The following IL1R1 variants were observed in gnomAD, a reference collection of about 807,000 sequenced individuals.
IL1R1 encodes interleukin-1 receptor type 1.
In IL1R1, 22 loss-of-function variants were observed where a neutral mutation model predicts 50.2. The observed-to-expected ratio is 0.44, with a 90% confidence interval of 0.31 to 0.63. The LOEUF (loss-of-function observed/expected upper bound fraction) is 0.63, where lower values mean the gene tolerates loss of function less well. Ranked by LOEUF, IL1R1 falls within the 20% of genes least tolerant of loss-of-function variation. The pLI is 0.07. For missense variants in IL1R1, 509 were observed against 676.2 expected (o/e 0.75, Z 2.74); for synonymous variants, 251 against 236.7 (o/e 1.06, Z -0.55).
intron 1 of IL1R1, among the ~76,000 whole-genome samples, chr2:102,124,986 C>T (rs953676076): frequency 1.3e-5 from 2 of 152,154 alleles, no homozygotes; most frequent in African/African-American, 4.8e-5. Flanking sequence ...GGAACCACCG[C>T]CATAATCCAA....
intron 10 of IL1R1, 29 bp from the exon 11 acceptor site, chr2:102,175,449 G>T (rs200463460): frequency 4.4e-6 from 7 of 1,586,716 alleles, no homozygotes; most frequent in South Asian, 2.2e-5. Flanking sequence ...TTGCCTTGTG[G>T]TTCTAAATAC....
At chr2:102,167,541 G>A (rs900847787) in intron 6 of IL1R1, among the ~76,000 whole-genome samples, 5 of 149,878 alleles carry the variant, frequency 3.3e-5, no homozygotes, top group African/African-American at 9.8e-5. Flanking sequence ...TCTGCCTCCC[G>A]GGTTCATGCC....
intron 9 of IL1R1, among the ~76,000 whole-genome samples, chr2:102,174,380 T>C (rs1685933566): frequency 6.6e-6 from 1 of 152,200 alleles, no homozygotes; most frequent in Non-Finnish European, 1.5e-5. Context: ...AGGTAGAAAC[T>C]TCATAGAATG....
chr2:102,121,285 C>T (rs561910682), intron 1 of IL1R1, among the ~76,000 whole-genome samples: 1 of 152,288 alleles, frequency 6.6e-6, no homozygotes, highest in African/African-American at 2.4e-5. Flanking sequence ...ATCTTCTGTT[C>T]CTCTGGTTTC....
At chr2:102,100,747 TC>T (rs1680105973), upstream of IL1R1, among the ~76,000 whole-genome samples, 2 of 152,134 alleles carry the variant, frequency 1.3e-5, no homozygotes, top group Middle Eastern at 3.2e-3. Context: ...GCTTGCAAAA[TC>T]CCTTAAACTC....
At chr2:102,138,439 A>C (rs950802814), upstream of IL1R1, among the ~76,000 whole-genome samples, 5 of 152,206 alleles carry the variant, frequency 3.3e-5, no homozygotes, top group Non-Finnish European at 7.3e-5. Flanking sequence ...GAGGTTAAGA[A>C]ATGGTTTATT....
intron 1 of IL1R1, among the ~76,000 whole-genome samples, chr2:102,107,492 TG>T (rs1180405143): frequency 1.9e-5 from 2 of 102,976 alleles, no homozygotes; most frequent in Non-Finnish European, 2.0e-5. Flanking sequence ...GGGCCTGTTG[TG>T]GGGTGGGAGG....
At chr2:102,172,103 A>G in intron 8 of IL1R1, 185 bp downstream of exon 8, 1 of 216,938 alleles carries the variant, frequency 4.6e-6, no homozygotes, top group Non-Finnish European at 7.8e-6. Context: ...TAAGGTAAAA[A>G]ATACTTGTCA....
chr2:102,072,140 A>G (rs1291865935), intron 1 of IL1R1, among the ~76,000 whole-genome samples: 1 of 151,784 alleles, frequency 6.6e-6, no homozygotes, highest in Non-Finnish European at 1.5e-5. Context: ...TGTGCCTGTA[A>G]TCCTAGCTAC....
intron 1 of IL1R1, among the ~76,000 whole-genome samples, chr2:102,122,137 GTCAAAGAAAAAATGTGTCCATC>G (rs1487716091): frequency 2.6e-5 from 4 of 152,146 alleles, no homozygotes; most frequent in African/African-American, 9.7e-5. Context: ...TTTAAATAAG[GTCAAAGAAAAAATGTGTCCATC>G]TCACAGGGGC....
chr2:102,171,274 C>A (rs1034472959), intron 7 of IL1R1, among the ~76,000 whole-genome samples: 2 of 152,150 alleles, frequency 1.3e-5, no homozygotes, highest in African/African-American at 4.8e-5. Context: ...TGCTCACATA[C>A]ACTATTGGAG....
chr2:102,134,529 C>A (rs1164229856), intron 1 of IL1R1, among the ~76,000 whole-genome samples: 1 of 152,118 alleles, frequency 6.6e-6, no homozygotes, highest in Non-Finnish European at 1.5e-5. Flanking sequence ...CAGGCATGTG[C>A]CACCACGCCC....
chr2:102,172,216 A>C (rs2104622515), intron 8 of IL1R1: 2 of 938,392 alleles, frequency 2.1e-6, no homozygotes, highest in Non-Finnish European at 2.5e-6. Flanking sequence ...CATATTCCTC[A>C]AGTAGCTTAG....
chr2:102,118,540 TC>T (rs1301950095), intron 1 of IL1R1, among the ~76,000 whole-genome samples: 1 of 152,158 alleles, frequency 6.6e-6, no homozygotes, highest in Non-Finnish European at 1.5e-5. Context: ...GTATTTGGTA[TC>T]TGAAATGGGG....
intron 7 of IL1R1, among the ~76,000 whole-genome samples, chr2:102,170,259 CCTTAA>C (rs772774755): frequency 1.1e-4 from 17 of 152,240 alleles, no homozygotes; most frequent in Non-Finnish European, 2.1e-4. Flanking sequence ...AGAGATATTT[CCTTAA>C]CTTAATAAAT....
In IL1R1 at chr2:102,178,383, T is replaced by G. The variant is rs200695520; in HGVS notation, c.*1624T>G. The G allele has an allele frequency of 7.2e-5, 11 of 152,456 alleles. No homozygotes were observed. The South Asian group carries it at 2.1e-3, about 29-fold the overall frequency. The allele number at this position is 152,456 out of a possible 1,614,324, so 9.4% of individuals were successfully genotyped here. On this transcript the variant is annotated 3_prime_UTR_variant, in exon 12 of 12. Transcript: ENST00000410023. ...AGCAATTTGCACATGTAACATAGATTTATGTAATGCTTTATGTTTAAAAAC... is the reference window on the plus strand; with the variant it reads ...AGCAATTTGCACATGTAACATAGATGTATGTAATGCTTTATGTTTAAAAAC...
intron 1 of IL1R1, among the ~76,000 whole-genome samples, chr2:102,086,962 G>A (rs1286891344): frequency 6.6e-6 from 1 of 151,890 alleles, no homozygotes; most frequent in Non-Finnish European, 1.5e-5. Context: ...TATTATAGGT[G>A]TATCTCAGAG....
In IL1R1 at chr2:102,175,513, T is replaced by C; in HGVS notation, c.1171T>C (p.Tyr391His). 6.2e-7 allele frequency: 1 copy of C among 1,613,788 alleles called. No homozygotes were observed. Among genetic ancestry groups the C allele is most frequent in the Non-Finnish European group, 8.5e-7 (1 of 1,179,656 alleles). The change falls in exon 11 of 12, where the codon TAT becomes CAT. Residue 391 changes from tyrosine (Y) to histidine (H), a missense_variant. By Grantham distance (83) the Tyr-to-His change is moderately conservative. Coordinates refer to ENST00000410023, the MANE Select transcript of IL1R1 (RefSeq NM_000877.4). ...DGKTYDAYIL[Y>H]PKTVGEGSTS... ...AAAGACCTATGACGCATATATACTG[T>C]ATCCAAAGACTGTTGGGGAAGGGTC...
chr2:102,144,842 G>T (rs997487947), intron 1 of IL1R1, among the ~76,000 whole-genome samples: 3 of 152,156 alleles, frequency 2.0e-5, no homozygotes, highest in East Asian at 1.9e-4. Context: ...CTAGAGAATC[G>T]CAGGGCTGCT....
Sources: gnomAD v4.1 joint callset for allele counts (sites outside exome capture counted in the v4.1 genomes callset) on GRCh38, gnomAD v4.1.1 for gene constraint, MANE v1.5 for transcripts, NCBI Gene and HGNC (gene_info 2026-07-23, HGNC 2026-07-21) for gene names.